Variants in CLIC6 observed in about 807,000 individuals in gnomAD.
The protein encoded by CLIC6 is chloride intracellular channel protein 6.
Under a neutral mutation model 49.2 loss-of-function variants are expected in CLIC6, and 39 were observed. The observed-to-expected ratio is 0.79, with a 90% CI of 0.61 to 1.04. The LOEUF (loss-of-function observed/expected upper bound fraction) is 1.04, where lower values mean the gene tolerates loss of function less well. CLIC6 is among the 50% of genes least tolerant of loss of function. The probability of loss-of-function intolerance (pLI) is 0.00; values close to 1 mark genes in which losing one functional copy is unlikely to be tolerated. For synonymous variants in CLIC6, 446 were observed against 433.4 expected (o/e 1.03, Z -0.36); for missense variants, 988 against 993.1 (o/e 0.99, Z 0.07).
chr21:34,691,537 A>G (rs565555067), intron 1 of CLIC6, among the ~76,000 whole-genome samples: 8 of 147,108 alleles, frequency 5.4e-5, no homozygotes, highest in African/African-American at 1.8e-4. Context: ...CTTTCCTTTC[A>G]ATCTCTGTGG....
chr21:34,672,726 G>A (rs936239721), intron 1 of CLIC6, among the ~76,000 whole-genome samples: 1 of 152,218 alleles, frequency 6.6e-6, no homozygotes, highest in African/African-American at 2.4e-5. Flanking sequence ...TAGAGCCAGT[G>A]GGTCTGGGAT....
intron 1 of CLIC6, among the ~76,000 whole-genome samples, chr21:34,685,191 A>G (rs1313613690): frequency 1.3e-5 from 2 of 152,182 alleles, no homozygotes; most frequent in Admixed American, 1.3e-4. Context: ...CACTCCAGCA[A>G]TCCCCCAAGC....
In CLIC6 at chr21:34,669,762, C is replaced by T; in HGVS notation, c.374C>T (p.Ala125Val). The change falls in exon 1 of 6, where the codon GCT becomes GTT. Residue 125 changes from alanine to valine, a missense_variant. Physicochemically the swap from Ala to Val is moderately conservative, Grantham distance 64. Transcript: ENST00000349499. Reference sequence around the variant, plus strand: ...GCGCAGGGCGAGCCCCGCGGGGAGGCTCAGAGGGAGCCCGAGGACTCTGCG... The same window carrying T: ...GCGCAGGGCGAGCCCCGCGGGGAGGTTCAGAGGGAGCCCGAGGACTCTGCG... ...RGAQGEPRGE[A>V]QREPEDSAAP... The T allele has an allele frequency of 1.4e-6, 2 of 1,411,436 alleles. No individual in the cohort carries two copies. The highest frequency in any genetic ancestry group is 1.8e-6 in the Non-Finnish European group (2 of 1,093,728). 87.4% of individuals were successfully genotyped at this position (1,411,436 alleles called of 1,614,324 possible). A position where few individuals can be genotyped will look rare whatever the true frequency, so the allele number is the denominator to read the frequency against.
intron 5 of CLIC6, among the ~76,000 whole-genome samples, chr21:34,710,499 G>C (rs1027201090): frequency 2.0e-5 from 3 of 152,134 alleles, no homozygotes; most frequent in Non-Finnish European, 4.4e-5. Context: ...CATACAAACT[G>C]TCTGGGGAGC....
At chr21:34,694,135 A>ATTTTTTTTTTTTTTTTTTTT (rs57210806) in intron 1 of CLIC6, among the ~76,000 whole-genome samples, 1 of 128,420 alleles carries the variant, frequency 7.8e-6, no homozygotes, top group African/African-American at 3.1e-5. Flanking sequence ...CGCCTGGTTA[A>ATTTTTTTTTTTTTTTTTTTT]TTTTTTTTTT....
chr21:34,713,724 G>A (rs1326136656), intron 5 of CLIC6, among the ~76,000 whole-genome samples: 7 of 152,126 alleles, frequency 4.6e-5, no homozygotes, highest in Non-Finnish European at 1.0e-4. Context: ...AAATTACTTT[G>A]AACTAAAGGA....
At chr21:34,700,458 A>AGAAAAG (rs1287096449) in intron 1 of CLIC6, among the ~76,000 whole-genome samples, 2 of 139,674 alleles carry the variant, frequency 1.4e-5, no homozygotes, top group Non-Finnish European at 3.1e-5. Flanking sequence ...AAAAAAAAAA[A>AGAAAAG]AAAAGAAAAG....
Position 34,717,787 on chromosome 21 carries a change from A to G in CLIC6, c.*1305A>G, listed in dbSNP as rs2056096022. Reference sequence around the variant, plus strand: ...TAGAGTTGGTTGTGGTATGTGTTTGATGCTATAAAGCTCATTTTTAATGTG... The same window carrying G: ...TAGAGTTGGTTGTGGTATGTGTTTGGTGCTATAAAGCTCATTTTTAATGTG... On this transcript the variant is annotated 3_prime_UTR_variant, in exon 6 of 6. Transcript: ENST00000349499. The G allele has an allele frequency of 6.6e-6, 1 of 152,342 alleles. No homozygotes were observed. Among genetic ancestry groups the G allele is most frequent in the South Asian group, 2.1e-4 (1 of 4,826 alleles). The allele number at this position is 152,342 out of a possible 1,614,324, so 9.4% of individuals were successfully genotyped here.
chr21:34,704,647 A>G (rs1218797597), intron 1 of CLIC6, among the ~76,000 whole-genome samples: 1 of 152,148 alleles, frequency 6.6e-6, no homozygotes, highest in Non-Finnish European at 1.5e-5. Context: ...GTTCCATTCC[A>G]GTGGCAGATC....
At position 34,669,414 on chromosome 21, in the gene CLIC6, G is replaced by A; in HGVS notation, c.26G>A (p.Gly9Glu). Residue 9 changes from glycine to glutamate, a missense_variant, in exon 1 of 6, where the codon GGG becomes GAG. Around this residue, in one of 3 missense-constraint regions of CLIC6, gnomAD observed 284 missense variants for 278.6 expected, o/e 1.02. Transcript: ENST00000349499. ...ATGGCCGAGGCCGCGGAGCCGGAGG[G>A]GGTTGCCCCGGGTCCCCAGGGGCCG... MAEAAEPE[G>E]VAPGPQGPPE... The A allele has an allele frequency of 8.1e-7, 1 of 1,235,840 alleles. No homozygotes were observed. The highest frequency in any genetic ancestry group is 1.0e-6 in the Non-Finnish European group (1 of 990,366). 76.6% of individuals were successfully genotyped at this position (1,235,840 alleles called of 1,614,324 possible). A position where few individuals can be genotyped will look rare whatever the true frequency, so the allele number is the denominator to read the frequency against.
At chr21:34,682,801 A>ATTTTTTTTTTTT (rs1172251761) in intron 1 of CLIC6, among the ~76,000 whole-genome samples, 1 of 69,272 alleles carries the variant, frequency 1.4e-5, no homozygotes, top group African/African-American at 6.5e-5. Context: ...CTTTCCCTCC[A>ATTTTTTTTTTTT]TTTTTTTTTT....
rs763496806 is a variant in CLIC6, at chr21:34,670,300, C to G, written c.912C>G (p.Leu304=). 2 of 1,444,324 alleles carry G rather than the reference C, an allele frequency of 1.4e-6. No homozygotes were observed. Among genetic ancestry groups the G allele is most frequent in the African/African-American group, 1.5e-5 (1 of 66,898 alleles). 89.5% of individuals were successfully genotyped at this position (1,444,324 alleles called of 1,614,324 possible). A position where few individuals can be genotyped will look rare whatever the true frequency, so the allele number is the denominator to read the frequency against. Residue 304 remains leucine (L), a synonymous_variant, in exon 1 of 6, where the codon CTC becomes CTG. Coordinates refer to ENST00000349499, the MANE Select transcript of CLIC6 (RefSeq NM_053277.3). The part of the protein sequence containing the change: ...GEPQQSGDGS[L]SPQAEAIEVA... ...CGCAGCAATCGGGGGACGGCAGCCT[C>G]TCGCCCCAGGCCGAGGCAATTGAGG...
intron 1 of CLIC6, among the ~76,000 whole-genome samples, chr21:34,676,775 T>A (rs888010001): frequency 2.6e-5 from 4 of 152,210 alleles, no homozygotes; most frequent in African/African-American, 9.7e-5. Flanking sequence ...CCTCTGATAA[T>A]GCCTAGTATA....
chr21:34,704,857 G>C (rs1008193744), intron 1 of CLIC6, among the ~76,000 whole-genome samples: 2 of 152,174 alleles, frequency 1.3e-5, no homozygotes, highest in Non-Finnish European at 2.9e-5. Flanking sequence ...AGCAGGCGGA[G>C]AGCCCCGTGC....
At chr21:34,687,911 G>T (rs1022370019) in intron 1 of CLIC6, among the ~76,000 whole-genome samples, 1 of 152,116 alleles carries the variant, frequency 6.6e-6, no homozygotes, top group Admixed American at 6.5e-5. Context: ...TCCTTTTATG[G>T]CCTGGAATGA....
At chr21:34,713,846 C>A (rs1295052405) in intron 5 of CLIC6, among the ~76,000 whole-genome samples, 1 of 151,894 alleles carries the variant, frequency 6.6e-6, no homozygotes, top group Non-Finnish European at 1.5e-5. Context: ...AAAAACAACC[C>A]TTTTTGGCAC....
At chr21:34,701,706 C>G (rs944733843) in intron 1 of CLIC6, among the ~76,000 whole-genome samples, 7 of 152,216 alleles carry the variant, frequency 4.6e-5, no homozygotes, top group Non-Finnish European at 1.0e-4. Context: ...ACCATGTTGC[C>G]TTGGAGAAAC....
At chr21:34,677,921 T>C (rs1020341120) in intron 1 of CLIC6, among the ~76,000 whole-genome samples, 3 of 152,132 alleles carry the variant, frequency 2.0e-5, no homozygotes, top group Admixed American at 6.5e-5. Flanking sequence ...TTTTAAATGG[T>C]TGGAAAACAT....
chr21:34,682,363 T>C (rs972795380), intron 1 of CLIC6, among the ~76,000 whole-genome samples: 1 of 152,216 alleles, frequency 6.6e-6, no homozygotes, highest in Non-Finnish European at 1.5e-5. Flanking sequence ...ATAATGTCCA[T>C]TGTCATGTAA....
Sources: gnomAD v4.1 joint callset for allele counts (sites outside exome capture counted in the v4.1 genomes callset) on GRCh38, gnomAD v4.1.1 for gene constraint, gnomAD v4.1.1 regional missense constraint, MANE v1.5 for transcripts, NCBI Gene and HGNC (gene_info 2026-07-23, HGNC 2026-07-21) for gene names.